SRPK1: variants seen among roughly 807,000 people sequenced by gnomAD.
The protein encoded by SRPK1 is SFRS protein kinase 1.
Under a neutral mutation model 89.5 loss-of-function variants are expected in SRPK1, and 52 were observed. The observed-to-expected ratio is 0.58, with a 90% CI of 0.46 to 0.73. The LOEUF is 0.73. SRPK1 is among the 30% of genes least tolerant of loss of function. The pLI, the probability that SRPK1 is intolerant of heterozygous loss-of-function variation, is 0.00. For missense variants in SRPK1, 603 were observed against 780.6 expected (o/e 0.77, Z 2.71); for synonymous variants, 255 against 270.2 (o/e 0.94, Z 0.55).
chr6:35,918,462 T>C (rs1390093113), intron 2 of SRPK1, among the ~76,000 whole-genome samples: 1 of 152,022 alleles, frequency 6.6e-6, no homozygotes, highest in Non-Finnish European at 1.5e-5. Context: ...GATCGCACCA[T>C]TGCACTGCAG....
intron 2 of SRPK1, among the ~76,000 whole-genome samples, chr6:35,911,946 G>C (rs1171559328): frequency 6.6e-6 from 1 of 151,856 alleles, no homozygotes; most frequent in South Asian, 2.1e-4. Flanking sequence ...GTAAGGGAGG[G>C]TCAATAAATG....
chr6:35,915,681 G>A (rs1205856273), intron 2 of SRPK1, among the ~76,000 whole-genome samples: 6 of 151,904 alleles, frequency 3.9e-5, no homozygotes, highest in East Asian at 3.9e-4. Flanking sequence ...TGTCTTTAAA[G>A]GTATATACAG....
In SRPK1 at chr6:35,846,481, A is replaced by G. The variant is rs1360732378; in HGVS notation, c.1621-3877T>C. On this transcript the variant is annotated intron_variant, in intron 13 of 15. Coordinates refer to ENST00000373825, the MANE Select transcript of SRPK1 (RefSeq NM_003137.5). ...GTGGCACATGCCTGTGGTCCCAGCT[A>G]CTCAGGAGGGTGAGCCGAGATTGTA... 1.0e-4 allele frequency among the ~76,000 whole-genome samples: 15 copies of G among 150,552 alleles called. No homozygotes were observed. The Admixed American group carries it at 1.0e-3, about 10-fold the overall frequency.
intron 2 of SRPK1, among the ~76,000 whole-genome samples, chr6:35,896,017 T>C (rs989977579): frequency 4.6e-5 from 7 of 152,218 alleles, no homozygotes; most frequent in African/African-American, 1.4e-4. Flanking sequence ...CTTTGTAATA[T>C]CCTTTATTTA....
chr6:35,920,434 T>C (rs1771208589), intron 2 of SRPK1, 34 bp downstream of exon 2: 4 of 1,610,020 alleles, frequency 2.5e-6, no homozygotes, highest in Non-Finnish European at 3.4e-6. Context: ...CGGAGGAAAA[T>C]CCAAAGAATG....
Position 35,891,002 on chromosome 6 carries a change from T to G in SRPK1, c.86A>C (p.Gln29Pro). ...KDKAQRKSET[Q>P]HRGSAPHSES... ...AGAGTGGGGAGCAGAGCCTCGGTGC[T>G]GAGTTTCAGATCTAAGAAATGATAC... Residue 29 changes from glutamine to proline, a missense_variant, in exon 3 of 16, where the codon CAG (glutamine) becomes CCG (proline). Gln to Pro is a moderately conservative substitution (Grantham distance 76, BLOSUM62 -1). Transcript: ENST00000373825. 1 of 1,551,246 alleles carries G rather than the reference T, an allele frequency of 6.4e-7. No individual in the cohort carries two copies. The highest frequency in any genetic ancestry group is 8.7e-7 in the Non-Finnish European group (1 of 1,146,852).
chr6:35,857,184 G>T, intron 13 of SRPK1, 77 bp downstream of exon 13: 1 of 998,562 alleles, frequency 1.0e-6, no homozygotes, highest in Non-Finnish European at 1.5e-6. Context: ...TAGTTAATTT[G>T]CTGGTTTACT....
chr6:35,872,499 A>G, intron 8 of SRPK1, 64 bp downstream of exon 8: 1 of 1,419,272 alleles, frequency 7.0e-7, no homozygotes, highest in Non-Finnish European at 9.3e-7. Context: ...CCCTGGTAAC[A>G]GAATAAAAAT....
In SRPK1 at chr6:35,869,655, G is replaced by A; in HGVS notation, c.1238C>T (p.Ser413Phe). 2.5e-6 allele frequency: 4 copies of A among 1,614,026 alleles called. No individual in the cohort carries two copies. Among genetic ancestry groups the A allele is most frequent in the Non-Finnish European group, 2.5e-6 (3 of 1,179,888 alleles). Residue 413 changes from serine to phenylalanine, a missense_variant, in exon 11 of 16, where the codon TCT (serine) becomes TTT (phenylalanine). Coordinates refer to ENST00000373825, the MANE Select transcript of SRPK1 (RefSeq NM_003137.5). ...CACCTCAGATGTTATAGGTGTACAA[G>A]AGTCTGTTTCTTGAGATGTGCTGCT... ...GDSSTSQETDSCTPITSEVSD... is the reference protein window; with the variant it reads ...GDSSTSQETDFCTPITSEVSD...
At chr6:35,867,618 C>T (rs185003341) in intron 12 of SRPK1, among the ~76,000 whole-genome samples, 1 of 152,266 alleles carries the variant, frequency 6.6e-6, no homozygotes, top group Non-Finnish European at 1.5e-5. Flanking sequence ...GAGTTTGAGG[C>T]TGGCCTGGCC....
chr6:35,863,743 A>C (rs1281971739), intron 12 of SRPK1, among the ~76,000 whole-genome samples: 1 of 152,198 alleles, frequency 6.6e-6, no homozygotes, highest in African/African-American at 2.4e-5. Flanking sequence ...ATCTTAAAGA[A>C]GAGAGAAAAT....
intron 6 of SRPK1, among the ~76,000 whole-genome samples, chr6:35,876,233 C>T (rs1561981764): frequency 6.6e-6 from 1 of 152,004 alleles, no homozygotes; most frequent in African/African-American, 2.4e-5. Flanking sequence ...AACTAAACAT[C>T]ACCAAATGTA....
chr6:35,835,210 G>T lies in SRPK1; in HGVS notation c.*94C>A. 8.9e-7 allele frequency: 1 copy of T among 1,117,968 alleles called. No homozygotes were observed. The allele number at this position is 1,117,968 out of a possible 1,614,324, so 69.3% of individuals were successfully genotyped here. ...AAACAAGATCTAGAAACTCTTGAAG[G>T]AAGAGCTTCACCCTGAAAAGGGAAG... On this transcript the variant is annotated 3_prime_UTR_variant, in exon 16 of 16. Coordinates refer to ENST00000373825, the MANE Select transcript of SRPK1 (RefSeq NM_003137.5).
At chr6:35,914,651 C>CCT (rs1771049761) in intron 2 of SRPK1, among the ~76,000 whole-genome samples, 1 of 152,130 alleles carries the variant, frequency 6.6e-6, no homozygotes, top group South Asian at 2.1e-4. Flanking sequence ...ATTGTTTATT[C>CCT]TGTCTTTCCT....
intron 2 of SRPK1, among the ~76,000 whole-genome samples, chr6:35,906,677 G>A (rs138835762): frequency 1.4e-4 from 22 of 152,170 alleles, no homozygotes; most frequent in Non-Finnish European, 2.9e-4. Context: ...GAGTCAAGGG[G>A]TATGACTGCT....
chr6:35,877,966 T>C (rs1207383820), intron 6 of SRPK1, among the ~76,000 whole-genome samples: 1 of 152,164 alleles, frequency 6.6e-6, no homozygotes, highest in African/African-American at 2.4e-5. Flanking sequence ...TTAGTGAATT[T>C]GATGGCACAG....
At chr6:35,842,908 C>T (rs1033785348) in intron 13 of SRPK1, among the ~76,000 whole-genome samples, 13 of 151,510 alleles carry the variant, frequency 8.6e-5, no homozygotes, top group Non-Finnish European at 1.3e-4. Flanking sequence ...CTTTTTTGGC[C>T]GGAAAGGGGC....
intron 14 of SRPK1, 119 bp downstream of exon 14, chr6:35,842,416 G>T (rs2151078817): frequency 3.4e-6 from 2 of 590,446 alleles, no homozygotes; most frequent in East Asian, 3.3e-5. Flanking sequence ...TAACTTTTCT[G>T]GGATTTACAT....
Position 35,833,537 on chromosome 6 carries a change from G to A in SRPK1, c.*1767C>T, listed in dbSNP as rs144068132. 6 of 152,720 alleles carry A rather than the reference G, an allele frequency of 3.9e-5. No homozygotes were observed. The highest frequency in any genetic ancestry group is 7.2e-5 in the African/African-American group (3 of 41,564). 9.5% of individuals were successfully genotyped at this position (152,720 alleles called of 1,614,324 possible). On this transcript the variant is annotated 3_prime_UTR_variant, in exon 16 of 16. Transcript: ENST00000373825. ...AGAATTGCTGAAGGATTTCCCTGCC[G>A]TTGTTTGATACAATCTATTCTCTTG...
Sources: allele counts gnomAD v4.1 joint callset (sites outside exome capture counted in the v4.1 genomes callset), GRCh38; gene constraint gnomAD v4.1.1; transcripts MANE v1.5; gene names NCBI Gene and HGNC (gene_info 2026-07-23, HGNC 2026-07-21).